Variants in VPS53 observed in about 807,000 individuals in gnomAD.
VPS53 encodes VPS53 subunit of GARP complex, also known as vacuolar protein sorting-associated protein 53 homolog.
VPS53 carries 70 observed loss-of-function variants against 107.0 expected under a neutral mutation model. The ratio of observed to expected loss-of-function variants is 0.65; its 90% CI spans 0.54 to 0.80. VPS53 has a LOEUF of 0.80. VPS53 is among the 30% of genes least tolerant of loss of function. The probability of loss-of-function intolerance (pLI) is 0.00; values close to 1 mark genes in which losing one functional copy is unlikely to be tolerated. For synonymous variants in VPS53, 409 were observed against 393.3 expected, an observed-to-expected ratio of 1.04 and a Z score of -0.47; for missense variants, 917 against 1,049.4, an observed-to-expected ratio of 0.87 and a Z score of 1.74.
At chr17:571,999 C>G (rs1174941285) in intron 13 of VPS53, among the ~76,000 whole-genome samples, 1 of 151,988 alleles carries the variant, frequency 6.6e-6, no homozygotes, top group East Asian at 1.9e-4. Context: ...TCTGCCTGGC[C>G]GCCCATCGTC....
Position 714,734 on chromosome 17 carries a change from C to G in VPS53, c.-25G>C. The G allele has an allele frequency of 6.2e-7, 1 of 1,611,492 alleles. No individual in the cohort carries two copies. The highest frequency in any genetic ancestry group is 8.5e-7 in the Non-Finnish European group (1 of 1,178,494). ...TTCCGCCACCCGGCCCCCTGCCGAC[C>G]CCCGCCGCGAGCCCAACTCAGGCCT... On this transcript the variant is annotated 5_prime_UTR_variant, in exon 1 of 22. Transcript: ENST00000437048.
intron 4 of VPS53, among the ~76,000 whole-genome samples, chr17:688,129 A>G (rs1972657051): frequency 6.6e-6 from 1 of 152,184 alleles, no homozygotes; most frequent in Non-Finnish European, 1.5e-5. Flanking sequence ...CTGCCAAAAA[A>G]GCGCTATCAA....
At chr17:657,321 C>G in intron 5 of VPS53, 1 of 760,438 alleles carries the variant, frequency 1.3e-6, no homozygotes, top group Non-Finnish European at 2.3e-6. Context: ...ATCCATGAAC[C>G]CAGCAGGGTA....
chr17:706,313 C>T lies in VPS53; in HGVS notation c.168+4220G>A, dbSNP rs536134934. The stretch of plus-strand genomic sequence containing the variant: ...CAGCACTTTGGGAGGTCAAGGTGGG[C>T]AGATCACAAGGTCAAGAGATTGAAA... On this transcript the variant is annotated intron_variant, in intron 2 of 21. Transcript: ENST00000437048. 3.0e-4 allele frequency among the ~76,000 whole-genome samples: 46 copies of T among 152,058 alleles called. No individual in the cohort carries two copies. In the South Asian group the frequency reaches 9.6e-3, roughly 32 times the overall value.
intron 4 of VPS53, among the ~76,000 whole-genome samples, chr17:684,676 C>CT (rs938220846): frequency 4.6e-5 from 7 of 152,122 alleles, no homozygotes; most frequent in Non-Finnish European, 1.0e-4. Flanking sequence ...CAGAGATTTC[C>CT]TTTTTTTCTT....
chr17:557,675 T>C (rs745575573), intron 15 of VPS53, among the ~76,000 whole-genome samples: 40 of 152,306 alleles, frequency 2.6e-4, no homozygotes, highest in Admixed American at 1.0e-3. Flanking sequence ...GCTAAGAATG[T>C]ATTACTTTTG....
chr17:638,210 C>G (rs1315004614), intron 7 of VPS53, among the ~76,000 whole-genome samples: 2 of 152,134 alleles, frequency 1.3e-5, no homozygotes, highest in African/African-American at 4.8e-5. Flanking sequence ...GGTTTAAAGT[C>G]TCTTTTATGA....
At chr17:628,872 G>A (rs1969827113) in intron 8 of VPS53, among the ~76,000 whole-genome samples, 3 of 152,226 alleles carry the variant, frequency 2.0e-5, no homozygotes, top group Admixed American at 2.0e-4. Context: ...GCGCTGTACT[G>A]ACGCATCACG....
intron 4 of VPS53, among the ~76,000 whole-genome samples, chr17:666,296 G>A (rs572609138): frequency 4.7e-4 from 72 of 152,312 alleles, no homozygotes; most frequent in African/African-American, 1.6e-3. Context: ...AATCAGGGAC[G>A]ATGGGTGTTA....
intron 15 of VPS53, among the ~76,000 whole-genome samples, chr17:558,565 G>C (rs1031142133): frequency 6.6e-6 from 1 of 152,076 alleles, no homozygotes; most frequent in African/African-American, 2.4e-5. Flanking sequence ...ACCCGGCAGG[G>C]GGAGCTTGCA....
chr17:606,955 C>A (rs1220917390), intron 11 of VPS53, among the ~76,000 whole-genome samples: 1 of 144,148 alleles, frequency 6.9e-6, no homozygotes, highest in African/African-American at 2.6e-5. Flanking sequence ...GGAGTAGGTT[C>A]TAGCAGGCAC....
rs535790214 is a variant in VPS53, at chr17:567,077, C to T, written c.1314-4332G>A. Among the ~76,000 whole-genome samples, 42 of 152,252 alleles carry T rather than the reference C, an allele frequency of 2.8e-4. 1 individual carries two copies. In the South Asian group the frequency reaches 3.5e-3, roughly 13 times the overall value. On this transcript the variant is annotated intron_variant, in intron 13 of 21. Coordinates refer to ENST00000437048, the MANE Select transcript of VPS53 (RefSeq NM_001128159.3). ...ATGTGCTTCCAGGCGTGAGCCAACG[C>T]GCCAGCCAACTCTGATGTGATTCTA...
At chr17:590,297 T>C (rs985332457) in intron 12 of VPS53, among the ~76,000 whole-genome samples, 3 of 152,228 alleles carry the variant, frequency 2.0e-5, no homozygotes, top group African/African-American at 7.2e-5. Flanking sequence ...TGGGGTTTTC[T>C]AGATATACAA....
At position 619,916 on chromosome 17, in the gene VPS53, G is replaced by A. The variant is rs11649775; in HGVS notation, c.1116+3617C>T. ...TTCCCGGGTAGATGGGACTACAGGC[G>A]TGCGCCACCACGCCCCGCTAGTATT... On this transcript the variant is annotated intron_variant, in intron 11 of 21. Transcript: ENST00000437048. Among the ~76,000 whole-genome samples the A allele has an allele frequency of 9.3e-3, 743 of 79,788 alleles. 150 individuals are homozygous for A. Among genetic ancestry groups the A allele is most frequent in the Admixed American group, 0.015 (101 of 6,530 alleles). The allele number at this position is 79,788 out of a possible 152,430, so 52.3% of individuals were successfully genotyped here. A position where few individuals can be genotyped will look rare whatever the true frequency, so the allele number is the denominator to read the frequency against.
At chr17:628,859 C>G (rs1292285130) in intron 8 of VPS53, among the ~76,000 whole-genome samples, 1 of 152,152 alleles carries the variant, frequency 6.6e-6, no homozygotes, top group Non-Finnish European at 1.5e-5. Context: ...GGAAAGATAC[C>G]AGGCGCTGTA....
Position 520,325 on chromosome 17 carries a change from G to A in VPS53, c.2224-395C>T, listed in dbSNP as rs1260871178. ...ATCAGGACCATCCGGGAAACCCTGCGTGAGAGGGTCTCCTGTTCCAGGCAT... is the reference window on the plus strand; with the variant it reads ...ATCAGGACCATCCGGGAAACCCTGCATGAGAGGGTCTCCTGTTCCAGGCAT... On this transcript the variant is annotated intron_variant, in intron 20 of 21. Coordinates refer to ENST00000437048, the MANE Select transcript of VPS53 (RefSeq NM_001128159.3). The surrounding 1 kb of genome is among the most constrained non-coding windows in gnomAD (Gnocchi z 4.4). 2.0e-5 allele frequency among the ~76,000 whole-genome samples: 3 copies of A among 152,152 alleles called. No homozygotes were observed. The highest frequency in any genetic ancestry group is 4.4e-5 in the Non-Finnish European group (3 of 68,030).
At chr17:560,227 CTTT>C (rs1387205032) in intron 15 of VPS53, among the ~76,000 whole-genome samples, 196 bp downstream of exon 15, 1 of 152,258 alleles carries the variant, frequency 6.6e-6, no homozygotes. Context: ...GCCCAGTCTT[CTTT>C]TAACAAGGCC....
chr17:609,973 A>T lies in VPS53; in HGVS notation c.1117-8077T>A, dbSNP rs920622188. On this transcript the variant is annotated intron_variant, in intron 11 of 21. Coordinates refer to ENST00000437048, the MANE Select transcript of VPS53 (RefSeq NM_001128159.3). ...TGAAACCGTCTCTACTAAAAATATA[A>T]AAAAAAAAATTAGCCAGGCGTGGTG... 1.6e-4 allele frequency among the ~76,000 whole-genome samples: 24 copies of T among 149,966 alleles called. 1 individual carries two copies. The highest frequency in any genetic ancestry group is 1.5e-3 in the Admixed American group (22 of 15,034).
At chr17:692,202 C>T (rs1427254073) in intron 4 of VPS53, among the ~76,000 whole-genome samples, 1 of 152,162 alleles carries the variant, frequency 6.6e-6, no homozygotes, top group Non-Finnish European at 1.5e-5. Context: ...ACCCGCCCCT[C>T]TATTCACCTC....
Sources: gnomAD v4.1 joint callset for allele counts (sites outside exome capture counted in the v4.1 genomes callset) on GRCh38, gnomAD v4.1.1 for gene constraint, Gnocchi (gnomAD v3.1) non-coding constraint, MANE v1.5 for transcripts, NCBI Gene and HGNC (gene_info 2026-07-23, HGNC 2026-07-21) for gene names.